MGRN1: variants seen among roughly 807,000 people sequenced by gnomAD.
MGRN1 encodes the protein mahogunin ring finger 1.
MGRN1 carries 29 observed loss-of-function variants against 69.2 expected under a neutral mutation model. That is an observed-to-expected ratio of 0.42 (90% CI 0.31 to 0.57). MGRN1 has a LOEUF of 0.57. Ranked by LOEUF, MGRN1 falls within the 20% of genes least tolerant of loss-of-function variation. The probability of loss-of-function intolerance (pLI) is 0.15; values close to 1 mark genes in which losing one functional copy is unlikely to be tolerated. For synonymous variants in MGRN1, 470 were observed against 344.2 expected (o/e 1.37, Z -4.04); for missense variants, 998 against 796.2 (o/e 1.25, Z -3.05).
Position 4,677,360 on chromosome 16 carries a change from GA to G in MGRN1, c.956-102del. The G allele has an allele frequency of 1.5e-5, 12 of 811,794 alleles. No homozygotes were observed. The South Asian group carries it at 2.4e-4, about 17-fold the overall frequency. The allele number at this position is 811,794 out of a possible 1,614,324, so 50.3% of individuals were successfully genotyped here. A position where few individuals can be genotyped will look rare whatever the true frequency, so the allele number is the denominator to read the frequency against. On this transcript the variant is annotated intron_variant, in intron 10 of 16. Transcript: ENST00000262370. ...TGATCTGGAAGCGGGGTCACCCCAGGACCCCTATGGTGTGGGGGGGGTGTTG... is the reference window on the plus strand; with the variant it reads ...TGATCTGGAAGCGGGGTCACCCCAGGCCCCTATGGTGTGGGGGGGGTGTTG...
At chr16:4,672,751 G>A (rs982953372) in intron 9 of MGRN1, among the ~76,000 whole-genome samples, 1 of 152,164 alleles carries the variant, frequency 6.6e-6, no homozygotes, top group Non-Finnish European at 1.5e-5. Context: ...TTAGATTTTT[G>A]GCTTTCTTTT....
chr16:4,670,231 T>G (rs910957900), intron 8 of MGRN1, among the ~76,000 whole-genome samples: 3 of 151,746 alleles, frequency 2.0e-5, no homozygotes, highest in South Asian at 4.2e-4. Flanking sequence ...GTTGGTTAAT[T>G]TGTTTTGTTT....
In MGRN1 at chr16:4,690,932, C is replaced by T. The variant is rs1383498274; in HGVS notation, c.*2024C>T. On this transcript the variant is annotated 3_prime_UTR_variant, in exon 17 of 17. Transcript: ENST00000262370. ...TGCTCAGATGGGCTCATCGTTGGTT[C>T]GTTTTTACTGTATATTTATAGTAAT... is the stretch of plus-strand genomic sequence containing the variant. 2.0e-5 allele frequency: 3 copies of T among 152,272 alleles called. No individual in the cohort carries two copies. Among genetic ancestry groups the T allele is most frequent in the Non-Finnish European group, 2.9e-5 (2 of 67,996 alleles). The allele number at this position is 152,272 out of a possible 1,614,324, so 9.4% of individuals were successfully genotyped here.
At chr16:4,625,362 C>CGGGGT (rs1218605077) in intron 1 of MGRN1, among the ~76,000 whole-genome samples, 1 of 152,228 alleles carries the variant, frequency 6.6e-6, no homozygotes, top group Non-Finnish European at 1.5e-5. Context: ...GAGGGCGGGG[C>CGGGGT]GGGGTGCTGA....
chr16:4,632,055 C>T (rs1890043715), intron 1 of MGRN1, among the ~76,000 whole-genome samples: 1 of 130,854 alleles, frequency 7.6e-6, no homozygotes, highest in Non-Finnish European at 1.5e-5. Context: ...GCTCTTGTCA[C>T]CCAGGCTGGA....
intron 1 of MGRN1, among the ~76,000 whole-genome samples, chr16:4,648,292 G>A (rs1302469164): frequency 4.0e-5 from 6 of 148,760 alleles, no homozygotes; most frequent in African/African-American, 1.3e-4. Context: ...GTGGTCACCC[G>A]GCTCCTCCTC....
chr16:4,636,470 C>G (rs1003773549), intron 1 of MGRN1, among the ~76,000 whole-genome samples: 2 of 152,152 alleles, frequency 1.3e-5, no homozygotes, highest in East Asian at 1.9e-4. Flanking sequence ...CTGGGGACAT[C>G]CTTGTGTCTG....
At chr16:4,686,480 C>T (rs565098518) in intron 16 of MGRN1, 2 of 1,388,848 alleles carry the variant, frequency 1.4e-6, no homozygotes, top group Non-Finnish European at 1.9e-6. Context: ...TGCACCTTCC[C>T]CCAGAAAGTG....
intron 8 of MGRN1, among the ~76,000 whole-genome samples, chr16:4,670,423 T>G (rs2078913536): frequency 6.6e-6 from 1 of 152,152 alleles, no homozygotes; most frequent in Non-Finnish European, 1.5e-5. Flanking sequence ...TTGTATTTTT[T>G]GTAGAGATGA....
rs565307448 is a variant in MGRN1, at chr16:4,686,769, G to C, written c.1619-2027G>C. On this transcript the variant is annotated intron_variant, in intron 16 of 16. Coordinates refer to ENST00000262370, the MANE Select transcript of MGRN1 (RefSeq NM_015246.4). ...CTTGTTCCGGATGGTCCCACCATGA[G>C]TTCGCATCGGTCCTGCAGCAGACAC... The C allele has an allele frequency of 1.5e-5, 15 of 994,070 alleles. No individual in the cohort carries two copies. The African/African-American group carries it at 2.6e-4, about 17-fold the overall frequency. 61.6% of individuals were successfully genotyped at this position (994,070 alleles called of 1,614,324 possible). A position where few individuals can be genotyped will look rare whatever the true frequency, so the allele number is the denominator to read the frequency against.
intron 1 of MGRN1, among the ~76,000 whole-genome samples, chr16:4,636,640 C>T (rs1318931215): frequency 6.6e-6 from 1 of 152,116 alleles, no homozygotes; most frequent in Non-Finnish European, 1.5e-5. Flanking sequence ...GGTCGCTCTG[C>T]ATTCATACTG....
Position 4,636,727 on chromosome 16 carries a change from C to A in MGRN1, c.88+11679C>A, listed in dbSNP as rs143222876. 2.1e-3 allele frequency among the ~76,000 whole-genome samples: 326 copies of A among 152,076 alleles called. 2 individuals carry two copies. Among genetic ancestry groups the A allele is most frequent in the African/African-American group, 7.5e-3 (310 of 41,498 alleles). On this transcript the variant is annotated intron_variant, in intron 1 of 16. Transcript: ENST00000262370. ...ACCTTGAATTTCTCATTGTACTTTT[C>A]CCTGATGACCAGTGAGGTTGAGCGC...
At chr16:4,667,101 C>G (rs1267031681) in intron 7 of MGRN1, among the ~76,000 whole-genome samples, 1 of 152,210 alleles carries the variant, frequency 6.6e-6, no homozygotes, top group East Asian at 1.9e-4. Context: ...GGGAAAGGAT[C>G]CCGTGTGACA....
chr16:4,630,731 C>T (rs57281124), intron 1 of MGRN1, among the ~76,000 whole-genome samples: 30,093 of 151,862 alleles, frequency 0.2, 3,101 homozygotes, highest in South Asian at 0.28. Context: ...AGGCGTGAGC[C>T]GCTGTGCCCG....
intron 9 of MGRN1, chr16:4,672,565 G>T (rs1281730066): frequency 2.4e-6 from 1 of 418,404 alleles, no homozygotes; most frequent in Non-Finnish European, 4.8e-6. Flanking sequence ...TTTGAGAAAA[G>T]GTTCAGAGAG....
In MGRN1 at chr16:4,658,179, C is replaced by G. The variant is rs151273218; in HGVS notation, c.561+816C>G. Reference sequence around the variant, plus strand: ...CCTCCTTCCCCCTTTGCCTTGTTTTCCAGCGTCCATCTGGTCTGCAGCTTG... The same window carrying G: ...CCTCCTTCCCCCTTTGCCTTGTTTTGCAGCGTCCATCTGGTCTGCAGCTTG... On this transcript the variant is annotated intron_variant, in intron 5 of 16. Transcript: ENST00000262370. Among the ~76,000 whole-genome samples, 953 of 152,162 alleles carry G rather than the reference C, an allele frequency of 6.3e-3. 9 individuals are homozygous for G. Among genetic ancestry groups the G allele is most frequent in the South Asian group, 0.033 (161 of 4,814 alleles).
Position 4,681,626 on chromosome 16 carries a change from C to A in MGRN1, c.1208C>A (p.Pro403Gln). Reference sequence around the variant, plus strand: ...CTCAACGGCCTCCGGGCTGTCTCCCCGGCCATCCCCTCGGCCCCTCTTTAT... The same window carrying A: ...CTCAACGGCCTCCGGGCTGTCTCCCAGGCCATCCCCTCGGCCCCTCTTTAT... ...EALNGLRAVS[P>Q]AIPSAPLYEE... is the part of the protein sequence containing the mutation. The change falls in exon 13 of 17, where the codon CCG becomes CAG. Residue 403 changes from proline (P) to glutamine (Q), a missense_variant. Coordinates refer to ENST00000262370, the MANE Select transcript of MGRN1 (RefSeq NM_015246.4). 6.2e-7 allele frequency: 1 copy of A among 1,613,518 alleles called. No homozygotes were observed.
chr16:4,678,019 T>C (rs1454765229), intron 11 of MGRN1, among the ~76,000 whole-genome samples: 3 of 151,916 alleles, frequency 2.0e-5, no homozygotes, highest in East Asian at 3.9e-4. Context: ...AGCTAATGTT[T>C]TGTATTTTTA....
intron 3 of MGRN1, 57 bp downstream of exon 3, chr16:4,652,108 G>C: frequency 1.9e-6 from 3 of 1,553,614 alleles, no homozygotes; most frequent in Non-Finnish European, 2.6e-6. Flanking sequence ...GCCTGTGGTG[G>C]AGGTTCTGGC....
Sources: allele counts gnomAD v4.1 joint callset (sites outside exome capture counted in the v4.1 genomes callset), GRCh38; gene constraint gnomAD v4.1.1; transcripts MANE v1.5; gene names NCBI Gene and HGNC (gene_info 2026-07-23, HGNC 2026-07-21).